BTNL8: variants seen among roughly 807,000 people sequenced by gnomAD.
The protein encoded by BTNL8 is butyrophilin like 8, also known as butyrophilin-like protein 8.
In BTNL8, 22 loss-of-function variants were observed where a neutral mutation model predicts 36.1. That is an observed-to-expected ratio of 0.61 (90% CI 0.44 to 0.87). BTNL8 has a LOEUF of 0.87. Ranked by LOEUF, BTNL8 falls within the 40% of genes least tolerant of loss-of-function variation. The pLI is 0.00. For missense variants in BTNL8, 526 were observed against 616.9 expected (o/e 0.85, Z 1.56); for synonymous variants, 203 against 235.6 (o/e 0.86, Z 1.27).
intron 3 of BTNL8, among the ~76,000 whole-genome samples, chr5:180,942,194 T>C (rs1759011138): frequency 6.6e-6 from 1 of 152,078 alleles, no homozygotes; most frequent in South Asian, 2.1e-4. Flanking sequence ...TCATTTACAA[T>C]AGCTACAACA....
At chr5:180,927,941 C>A (rs1187155390) in intron 3 of BTNL8, among the ~76,000 whole-genome samples, 1 of 152,244 alleles carries the variant, frequency 6.6e-6, no homozygotes, top group African/African-American at 2.4e-5. Flanking sequence ...CTTCCCCAAC[C>A]TAGTAAGACA....
intron 3 of BTNL8, among the ~76,000 whole-genome samples, chr5:180,932,357 A>C (rs555998937): frequency 6.6e-5 from 10 of 152,106 alleles, no homozygotes; most frequent in Non-Finnish European, 1.0e-4. Context: ...AAGTATAATT[A>C]TTTTTTTCAG....
intron 3 of BTNL8, among the ~76,000 whole-genome samples, chr5:180,939,204 C>A (rs1315149994): frequency 6.6e-6 from 1 of 152,024 alleles, no homozygotes; most frequent in African/African-American, 2.4e-5. Context: ...CAACAATACC[C>A]TTGAATGTAA....
rs543659459 is a variant in BTNL8, at chr5:180,928,900, A to G, written c.673+17286A>G. The stretch of plus-strand genomic sequence containing the variant: ...ACACCCAACTGTCAGTATTAGACAG[A>G]TCAACGAGACAGAAAATTAACAAGG... On this transcript the variant is annotated intron_variant, in intron 3 of 7. Coordinates refer to ENST00000340184, the MANE Select transcript of BTNL8 (RefSeq NM_001040462.3). Among the ~76,000 whole-genome samples the G allele has an allele frequency of 9.6e-4, 147 of 152,360 alleles. 1 individual carries two copies. Among genetic ancestry groups the G allele is most frequent in the African/African-American group, 3.4e-3 (142 of 41,592 alleles).
intron 3 of BTNL8, among the ~76,000 whole-genome samples, chr5:180,938,060 T>G (rs1213976525): frequency 6.6e-6 from 1 of 152,128 alleles, no homozygotes; most frequent in Non-Finnish European, 1.5e-5. Context: ...GATGGATTAC[T>G]ATAGTGATAA....
intron 3 of BTNL8, among the ~76,000 whole-genome samples, chr5:180,931,772 C>G (rs1053780501): frequency 2.0e-5 from 3 of 152,106 alleles, no homozygotes; most frequent in Admixed American, 6.6e-5. Flanking sequence ...CATCTTGTGC[C>G]AGTTAGAATG....
intron 2 of BTNL8, among the ~76,000 whole-genome samples, chr5:180,910,548 C>T (rs1372881361): frequency 6.6e-6 from 1 of 152,212 alleles, no homozygotes; most frequent in Non-Finnish European, 1.5e-5. Flanking sequence ...TCTATAAAAT[C>T]CCTGAGACTT....
At chr5:180,911,702 GT>G in intron 3 of BTNL8, 88 bp downstream of exon 3, 1 of 1,276,274 alleles carries the variant, frequency 7.8e-7, no homozygotes, top group Non-Finnish European at 1.1e-6. Flanking sequence ...TGGCATTGCT[GT>G]TTTATCTTTC....
At chr5:180,936,030 T>G (rs1758637787) in intron 3 of BTNL8, among the ~76,000 whole-genome samples, 1 of 151,974 alleles carries the variant, frequency 6.6e-6, no homozygotes, top group South Asian at 2.1e-4. Flanking sequence ...TGCCTCAGCC[T>G]CCCGAGTAGC....
intron 1 of BTNL8, 108 bp downstream of exon 1, chr5:180,899,467 G>A: frequency 2.3e-6 from 3 of 1,283,958 alleles, no homozygotes; most frequent in Non-Finnish European, 2.3e-6. Flanking sequence ...CCATTCCTTT[G>A]GCTTCTCCTA....
At chr5:180,922,765 AATCT>A (rs1757927214) in intron 3 of BTNL8, among the ~76,000 whole-genome samples, 1 of 151,608 alleles carries the variant, frequency 6.6e-6, no homozygotes, top group East Asian at 1.9e-4. Context: ...CTGCCTCAAT[AATCT>A]ATCTAATACA....
intron 1 of BTNL8, among the ~76,000 whole-genome samples, chr5:180,905,041 A>C (rs201716085): frequency 6.6e-6 from 1 of 150,610 alleles, no homozygotes; most frequent in Non-Finnish European, 1.5e-5. Flanking sequence ...CTAGCCTCAT[A>C]AAATGAGTTA....
Position 180,908,920 on chromosome 5 carries a change from G to C in BTNL8, c.384G>C (p.Glu128Asp). The C allele has an allele frequency of 6.2e-7, 1 of 1,612,606 alleles. No homozygotes were observed. Reference sequence around the variant, plus strand: ...CTTACTACCAGAAGGCCATCTGGGAGCTACAGGTGTCAGGTCAGTTTCATA... The same window carrying C: ...CTTACTACCAGAAGGCCATCTGGGACCTACAGGTGTCAGGTCAGTTTCATA... The part of the protein sequence containing the change: ...SQSYYQKAIW[E>D]LQVSALGSVP... The change falls in exon 2 of 8, where the codon GAG (glutamate) becomes GAC (aspartate). Residue 128 changes from glutamate (E) to aspartate (D), a missense_variant. Physicochemically the swap from Glu to Asp is conservative, Grantham distance 45 (BLOSUM62 2). This residue lies in a region of BTNL8 where 350 missense variants were observed against 324.6 expected (regional missense o/e 1.08). Transcript: ENST00000340184.
chr5:180,949,528 C>A, intron 7 of BTNL8: 1 of 578,734 alleles, frequency 1.7e-6, no homozygotes, highest in Non-Finnish European at 2.9e-6. Flanking sequence ...ATTGAGGGCA[C>A]TAGTGACTGG....
At chr5:180,927,383 CA>C (rs1758155486) in intron 3 of BTNL8, among the ~76,000 whole-genome samples, 1 of 152,168 alleles carries the variant, frequency 6.6e-6, no homozygotes, top group Non-Finnish European at 1.5e-5. Context: ...AAAACCAGTG[CA>C]AAAAGGCTGA....
intron 3 of BTNL8, among the ~76,000 whole-genome samples, chr5:180,930,958 C>T (rs1758346303): frequency 6.6e-6 from 1 of 152,198 alleles, no homozygotes; most frequent in African/African-American, 2.4e-5. Context: ...TTGGAAAAAA[C>T]TACTTTAAAG....
intron 1 of BTNL8, chr5:180,902,517 G>GT (rs111618652): frequency 0.044 from 34,360 of 772,210 alleles, 3 homozygotes; most frequent in East Asian, 0.05. Flanking sequence ...ACTATAAAGG[G>GT]TTTTTTTTTT....
chr5:180,899,503 G>A (rs1053619504), intron 1 of BTNL8, 144 bp downstream of exon 1: 71 of 928,434 alleles, frequency 7.6e-5, no homozygotes, highest in South Asian at 6.2e-4. Context: ...AGGATCAGGC[G>A]CTGTGGAAAC....
At chr5:180,931,361 A>G (rs1228936091) in intron 3 of BTNL8, among the ~76,000 whole-genome samples, 1 of 152,220 alleles carries the variant, frequency 6.6e-6, no homozygotes, top group East Asian at 1.9e-4. Flanking sequence ...AAACCCTAGA[A>G]GAAAACCTAG....
Sources: allele counts gnomAD v4.1 joint callset (sites outside exome capture counted in the v4.1 genomes callset), GRCh38; gene constraint gnomAD v4.1.1; regional missense constraint gnomAD v4.1.1; transcripts MANE v1.5; gene names NCBI Gene and HGNC (gene_info 2026-07-23, HGNC 2026-07-21).